SERPINB12: variants seen among roughly 807,000 people sequenced by gnomAD.
The protein encoded by SERPINB12 is serpin family B member 12, also known as serpin B12.
SERPINB12 carries 57 observed loss-of-function variants against 41.1 expected under a neutral mutation model. The ratio of observed to expected loss-of-function variants is 1.39; its 90% CI spans 1.12 to 1.73. The LOEUF is 1.73. SERPINB12 is among the 40% of genes most tolerant of loss of function. SERPINB12 has a pLI of 0.00. For synonymous variants in SERPINB12, 180 were observed against 181.3 expected, an observed-to-expected ratio of 0.99 and a Z score of 0.06; for missense variants, 536 against 501.9, an observed-to-expected ratio of 1.07 and a Z score of -0.65.
chr18:63,522,295 C>T, the SERPINB12 span, among the ~76,000 whole-genome samples: 1 of 152,172 alleles, frequency 6.6e-6, no homozygotes, highest in Non-Finnish European at 1.5e-5. Context: ...ATAACCAACA[C>T]TTGCAATTGT....
the SERPINB12 span, among the ~76,000 whole-genome samples, chr18:63,529,373 G>C: frequency 6.6e-6 from 1 of 152,188 alleles, no homozygotes; most frequent in Non-Finnish European, 1.5e-5. Flanking sequence ...TTGATGGCCT[G>C]TATGCACAGC....
the SERPINB12 span, among the ~76,000 whole-genome samples, chr18:63,522,864 A>G: frequency 6.6e-6 from 1 of 152,186 alleles, no homozygotes; most frequent in African/African-American, 2.4e-5. Context: ...CAAGATAGCC[A>G]GAATTATAAC....
chr18:63,542,738 C>T (rs1240774479), intron 1 of SERPINB12, among the ~76,000 whole-genome samples: 1 of 152,128 alleles, frequency 6.6e-6, no homozygotes, highest in African/African-American at 2.4e-5. Flanking sequence ...TATTTTGTCA[C>T]CCAGGTAATA....
chr18:63,530,841 G>A, the SERPINB12 span, among the ~76,000 whole-genome samples: 8 of 152,124 alleles, frequency 5.3e-5, no homozygotes, highest in Non-Finnish European at 1.2e-4. Context: ...GGGGGAGAAC[G>A]AATTGGGAAA....
the SERPINB12 span, among the ~76,000 whole-genome samples, chr18:63,532,404 G>A: frequency 6.6e-6 from 1 of 152,164 alleles, no homozygotes; most frequent in Non-Finnish European, 1.5e-5. Flanking sequence ...CCAGCTAGTT[G>A]ACATCTTCCA....
Position 63,566,736 on chromosome 18 carries a change from C to G in SERPINB12, c.1003C>G (p.Gln335Glu). The change falls in exon 8 of 8, where the codon CAA (glutamine) becomes GAA (glutamate). Residue 335 changes from glutamine (Q) to glutamate (E), a missense_variant. By Grantham distance (29) the Gln-to-Glu change is conservative. Transcript: ENST00000382768. Reference protein sequence around the residue: ...EDSYDLNSILQDMGITDIFDE... With the variant: ...EDSYDLNSILEDMGITDIFDE... ...CAGCTATGATCTCAATTCCATTTTACAAGACATGGGCATTACGGATATCTT... is the reference window on the plus strand; with the variant it reads ...CAGCTATGATCTCAATTCCATTTTAGAAGACATGGGCATTACGGATATCTT... The G allele has an allele frequency of 6.2e-7, 1 of 1,614,148 alleles. No individual in the cohort carries two copies. The highest frequency in any genetic ancestry group is 8.5e-7 in the Non-Finnish European group (1 of 1,180,024).
chr18:63,564,169 C>T (rs1911017018), intron 6 of SERPINB12, 49 bp downstream of exon 6: 1 of 1,575,142 alleles, frequency 6.3e-7, no homozygotes, highest in Admixed American at 1.8e-5. Context: ...TCATAATTTC[C>T]ACTAGGAATG....
chr18:63,566,607 C>T lies in SERPINB12; in HGVS notation c.874C>T (p.Leu292Phe), dbSNP rs1350887934. 2 of 1,601,278 alleles carry T rather than the reference C, an allele frequency of 1.2e-6. No individual in the cohort carries two copies. Among genetic ancestry groups the T allele is most frequent in the East Asian group, 2.2e-5 (1 of 44,824 alleles). The change falls in exon 8 of 8, where the codon CTT (leucine) becomes TTT (phenylalanine). Residue 292 changes from leucine to phenylalanine, a missense_variant and splice_region_variant. Transcript: ENST00000382768. ...SKDNLKGLEE[L>F]ERKITYEKMV... ...AAATATTATTTCCTTCCTCTTGTAG[C>T]TTGAAAGGAAAATCACCTATGAAAA...
intron 5 of SERPINB12, among the ~76,000 whole-genome samples, chr18:63,563,547 T>C (rs962998779): frequency 2.0e-5 from 3 of 152,156 alleles, no homozygotes; most frequent in African/African-American, 4.8e-5. Context: ...ATTAATCTTC[T>C]TGGGTTAGTT....
intron 2 of SERPINB12, among the ~76,000 whole-genome samples, chr18:63,557,377 A>G (rs771606976): frequency 6.6e-6 from 1 of 152,156 alleles, no homozygotes; most frequent in Non-Finnish European, 1.5e-5. Context: ...CACCTAATAA[A>G]CATTTCTAGA....
chr18:63,549,562 C>CTTGAAATCTCTATCTA (rs11273329), intron 1 of SERPINB12, among the ~76,000 whole-genome samples: 1 of 151,710 alleles, frequency 6.6e-6, no homozygotes, highest in South Asian at 2.1e-4. Flanking sequence ...TGTTTGCAAT[C>CTTGAAATCTCTATCTA]TATTTAGGAT....
At chr18:63,560,555 A>G (rs1048557789) in intron 4 of SERPINB12, among the ~76,000 whole-genome samples, 1 of 152,226 alleles carries the variant, frequency 6.6e-6, no homozygotes, top group African/African-American at 2.4e-5. Flanking sequence ...ATATTACATT[A>G]CTGATTTTTT....
At chr18:63,550,768 G>T (rs928274181) in intron 1 of SERPINB12, among the ~76,000 whole-genome samples, 1 of 152,016 alleles carries the variant, frequency 6.6e-6, no homozygotes, top group Admixed American at 6.6e-5. Context: ...ACCTTAATGG[G>T]GGTATTTACA....
chr18:63,560,269 C>A (rs540475973), intron 4 of SERPINB12, among the ~76,000 whole-genome samples: 47 of 152,306 alleles, frequency 3.1e-4, no homozygotes, highest in Admixed American at 4.6e-4. Context: ...AGCTGTGTCT[C>A]CATCTGGGCT....
chr18:63,541,630 T>A (rs1001607428), upstream of SERPINB12, among the ~76,000 whole-genome samples: 2 of 152,214 alleles, frequency 1.3e-5, no homozygotes, highest in East Asian at 3.9e-4. Flanking sequence ...CTAGTGAGTT[T>A]TGCAGGTGAA....
intron 1 of SERPINB12, among the ~76,000 whole-genome samples, chr18:63,550,593 C>A (rs569707898): frequency 1.3e-5 from 2 of 152,116 alleles, no homozygotes; most frequent in East Asian, 3.9e-4. Context: ...AATGTGTAAC[C>A]AACACTCCAA....
chr18:63,564,253 T>C (rs1277455176), intron 6 of SERPINB12, 133 bp downstream of exon 6: 1 of 869,066 alleles, frequency 1.2e-6, no homozygotes, highest in African/African-American at 1.7e-5. Flanking sequence ...TAAGAACCAG[T>C]ACCTGAATTT....
At chr18:63,559,158 G>A (rs1193013543) in intron 3 of SERPINB12, among the ~76,000 whole-genome samples, 1 of 151,008 alleles carries the variant, frequency 6.6e-6, no homozygotes, top group African/African-American at 2.4e-5. Context: ...AGGCTGGAGT[G>A]CAGTGGCGCA....
At chr18:63,538,888 T>TC, upstream of SERPINB12, among the ~76,000 whole-genome samples, 1 of 152,290 alleles carries the variant, frequency 6.6e-6, no homozygotes, top group Non-Finnish European at 1.5e-5. Context: ...ACCATCCCAG[T>TC]GTGTATAAAG....
Sources: allele counts gnomAD v4.1 joint callset (sites outside exome capture counted in the v4.1 genomes callset), GRCh38; gene constraint gnomAD v4.1.1; transcripts MANE v1.5; gene names NCBI Gene and HGNC (gene_info 2026-07-23, HGNC 2026-07-21).